GRIN2B: variants seen among roughly 807,000 people sequenced by gnomAD.
GRIN2B encodes the protein glutamate receptor ionotropic, NMDA 2B.
GRIN2B carries 5 observed loss-of-function variants against 114.5 expected under a neutral mutation model. The observed-to-expected ratio is 0.04, with a 90% confidence interval of 0.02 to 0.09. The LOEUF (loss-of-function observed/expected upper bound fraction) is 0.09, where lower values mean the gene tolerates loss of function less well. Among genes scored for constraint, GRIN2B ranks in the 10% least tolerant of loss-of-function variants. The pLI is 1.00. For missense variants in GRIN2B, 1,108 were observed against 1,943.5 expected (o/e 0.57, Z 8.08); for synonymous variants, 787 against 745.1 (o/e 1.06, Z -0.92).
rs1311497361 is a variant in GRIN2B at position 13,717,178 on chromosome 12, T to C, written c.1010+36139A>G. Among the ~76,000 whole-genome samples the C allele has an allele frequency of 2.0e-5, 3 of 151,446 alleles. No homozygotes were observed. The South Asian group carries it at 6.2e-4, about 31-fold the overall frequency. On this transcript the variant is annotated intron_variant, in intron 4 of 13. Coordinates refer to ENST00000609686, the MANE Select transcript of GRIN2B (RefSeq NM_000834.5). ...TTTTACAGTTGGTAAAGCTGAGGTA[T>C]GGACAGTTTTACACAAGTTAAATAG...
intron 3 of GRIN2B, among the ~76,000 whole-genome samples, chr12:13,770,352 G>A (rs1438196047): frequency 6.6e-6 from 1 of 152,158 alleles, no homozygotes; most frequent in East Asian, 1.9e-4. Context: ...CACTGACCAA[G>A]TCTGATTCAC....
intron 2 of GRIN2B, among the ~76,000 whole-genome samples, chr12:13,944,417 G>A (rs1867326906): frequency 6.6e-6 from 1 of 152,206 alleles, no homozygotes; most frequent in Non-Finnish European, 1.5e-5. Flanking sequence ...GCAGAGCTGT[G>A]TGTACGTCTA....
At chr12:13,736,916 G>T (rs1863193590) in intron 4 of GRIN2B, among the ~76,000 whole-genome samples, 2 of 151,218 alleles carry the variant, frequency 1.3e-5, no homozygotes, top group Non-Finnish European at 2.9e-5. Flanking sequence ...TATAATCCCA[G>T]CTACTTGGGA....
At chr12:13,708,587 G>A (rs1950383995) in intron 4 of GRIN2B, among the ~76,000 whole-genome samples, 1 of 152,040 alleles carries the variant, frequency 6.6e-6, no homozygotes, top group East Asian at 1.9e-4. Flanking sequence ...CATTTGAAGA[G>A]GAGAGGAGAC....
chr12:13,796,436 G>A (rs140454727), intron 3 of GRIN2B, among the ~76,000 whole-genome samples: 5 of 152,264 alleles, frequency 3.3e-5, no homozygotes, highest in East Asian at 1.9e-4. Context: ...AATTGGGACC[G>A]CAAGGCACAG....
chr12:13,882,102 C>T (rs537010249), intron 2 of GRIN2B, among the ~76,000 whole-genome samples: 17 of 152,230 alleles, frequency 1.1e-4, no homozygotes, highest in Non-Finnish European at 1.9e-4. Context: ...ACAAATCTCC[C>T]GGAGATAGAT....
intron 2 of GRIN2B, among the ~76,000 whole-genome samples, chr12:13,876,082 C>T (rs866418611): frequency 9.2e-5 from 14 of 152,214 alleles, no homozygotes; most frequent in South Asian, 6.2e-4. Flanking sequence ...GTAGTGAAAA[C>T]GGCAGATTGA....
intron 4 of GRIN2B, among the ~76,000 whole-genome samples, chr12:13,742,473 G>A (rs1269907218): frequency 1.3e-5 from 2 of 152,064 alleles, no homozygotes; most frequent in South Asian, 2.1e-4. Context: ...CCCTGTTGCC[G>A]AGGCTGGAGT....
At chr12:13,749,600 T>TA (rs1378954730) in intron 4 of GRIN2B, among the ~76,000 whole-genome samples, 1 of 152,242 alleles carries the variant, frequency 6.6e-6, no homozygotes, top group Non-Finnish European at 1.5e-5. Context: ...GATTTCCTGC[T>TA]GTGGCTAAAT....
chr12:13,652,658 C>A (rs1949825956), intron 5 of GRIN2B, among the ~76,000 whole-genome samples: 1 of 152,140 alleles, frequency 6.6e-6, no homozygotes, highest in Admixed American at 6.6e-5. Context: ...CACCAATGGG[C>A]AGGCGGCCTA....
intron 5 of GRIN2B, among the ~76,000 whole-genome samples, chr12:13,625,722 G>C (rs1949558286): frequency 6.6e-6 from 1 of 152,134 alleles, no homozygotes; most frequent in Admixed American, 6.5e-5. Context: ...CGAACTCTAT[G>C]AGGTTCTTTT....
intron 5 of GRIN2B, among the ~76,000 whole-genome samples, chr12:13,650,769 G>A (rs1949805606): frequency 6.6e-6 from 1 of 151,988 alleles, no homozygotes; most frequent in Admixed American, 6.6e-5. Context: ...ATTGTATGAT[G>A]TATAATTATA....
chr12:13,853,265 T>TC (rs1283078260), intron 3 of GRIN2B, among the ~76,000 whole-genome samples: 1 of 152,234 alleles, frequency 6.6e-6, no homozygotes, highest in Non-Finnish European at 1.5e-5. Context: ...CTCTTACTGA[T>TC]CACATCTCCA....
intron 3 of GRIN2B, among the ~76,000 whole-genome samples, chr12:13,835,873 C>A (rs771100466): frequency 6.6e-6 from 1 of 151,558 alleles, no homozygotes; most frequent in Non-Finnish European, 1.5e-5. Flanking sequence ...CACAAGGCAG[C>A]CAGGCATGCC....
At chr12:13,677,230 G>T (rs958647264) in intron 4 of GRIN2B, among the ~76,000 whole-genome samples, 2 of 152,130 alleles carry the variant, frequency 1.3e-5, no homozygotes, top group Non-Finnish European at 2.9e-5. Flanking sequence ...AAGCAAAAGG[G>T]GTATCTTGTA....
At chr12:13,839,951 A>C (rs1048081110) in intron 3 of GRIN2B, among the ~76,000 whole-genome samples, 1 of 152,216 alleles carries the variant, frequency 6.6e-6, no homozygotes, top group African/African-American at 2.4e-5. Context: ...TTTATCCCAT[A>C]TAGAAACCAT....
intron 3 of GRIN2B, among the ~76,000 whole-genome samples, chr12:13,829,872 G>A (rs1865115453): frequency 6.6e-6 from 1 of 152,212 alleles, no homozygotes; most frequent in African/African-American, 2.4e-5. Flanking sequence ...GAAAGGACCT[G>A]CCTCAAAGAG....
chr12:13,580,353 G>T (rs540785742), intron 10 of GRIN2B, among the ~76,000 whole-genome samples: 3 of 152,320 alleles, frequency 2.0e-5, no homozygotes, highest in Admixed American at 2.0e-4. Context: ...AACCAGTGCT[G>T]TGACCTTGCA....
intron 4 of GRIN2B, among the ~76,000 whole-genome samples, chr12:13,733,884 T>A (rs1471089083): frequency 6.6e-6 from 1 of 152,186 alleles, no homozygotes; most frequent in South Asian, 2.1e-4. Context: ...AAGACATTAT[T>A]TTACAGAGAA....
Sources: allele counts gnomAD v4.1 joint callset (sites outside exome capture counted in the v4.1 genomes callset), GRCh38; gene constraint gnomAD v4.1.1; transcripts MANE v1.5; gene names NCBI Gene and HGNC (gene_info 2026-07-23, HGNC 2026-07-21).